ARMH3: variants seen among roughly 807,000 people sequenced by gnomAD.
ARMH3 encodes armadillo-like helical domain-containing protein 3.
Under a neutral mutation model 99.1 loss-of-function variants are expected in ARMH3, and 60 were observed. The ratio of observed to expected loss-of-function variants is 0.61; its 90% CI spans 0.49 to 0.75. The LOEUF is 0.75. Among genes scored for constraint, ARMH3 ranks in the 30% least tolerant of loss-of-function variants. The probability of loss-of-function intolerance (pLI) is 0.00; values close to 1 mark genes in which losing one functional copy is unlikely to be tolerated. For missense variants in ARMH3, 679 were observed against 843.1 expected (o/e 0.81, Z 2.41); for synonymous variants, 285 against 292.8 (o/e 0.97, Z 0.27).
chr10:101,963,213 G>A (rs933136585), intron 20 of ARMH3, among the ~76,000 whole-genome samples: 1 of 145,900 alleles, frequency 6.9e-6, no homozygotes, highest in African/African-American at 2.5e-5. Context: ...CACGATCATG[G>A]CTCACTGCAA....
In ARMH3 at chr10:101,957,350, C is replaced by T. The variant is rs1306873912; in HGVS notation, c.1578+300G>A. 2.0e-5 allele frequency among the ~76,000 whole-genome samples: 3 copies of T among 152,118 alleles called. No homozygotes were observed. In the East Asian group the frequency reaches 5.8e-4, roughly 29 times the overall value. ...GTTTGCTATTTACCAACATAGAGAC[C>T]GCAGTAGTATACAGCAGTCTCTCAA... On this transcript the variant is annotated intron_variant, in intron 21 of 25. Transcript: ENST00000370033.
At chr10:101,881,334 T>G (rs1311708716) in intron 24 of ARMH3, among the ~76,000 whole-genome samples, 2 of 152,104 alleles carry the variant, frequency 1.3e-5, no homozygotes, top group African/African-American at 4.8e-5. Flanking sequence ...CCTGGGTCAC[T>G]TGGTTGAAAA....
chr10:101,943,167 G>A (rs115846311), intron 22 of ARMH3, among the ~76,000 whole-genome samples: 214 of 152,312 alleles, frequency 1.4e-3, no homozygotes, highest in African/African-American at 5.0e-3. Flanking sequence ...ACATCTAGAG[G>A]ATGTGGGGCA....
intron 1 of ARMH3, among the ~76,000 whole-genome samples, chr10:102,053,832 G>C (rs577738411): frequency 6.6e-6 from 1 of 151,838 alleles, no homozygotes; most frequent in Non-Finnish European, 1.5e-5. Flanking sequence ...CTAATTTTTT[G>C]TATTTTTAGT....
intron 20 of ARMH3, among the ~76,000 whole-genome samples, chr10:101,959,203 G>A (rs1328662810): frequency 6.6e-6 from 1 of 152,164 alleles, no homozygotes; most frequent in Non-Finnish European, 1.5e-5. Flanking sequence ...CACACAACCT[G>A]CTTAGCTCCT....
In ARMH3 at chr10:102,033,283, C is replaced by A; in HGVS notation, c.159G>T (p.Lys53Asn). 1 of 1,614,152 alleles carries A rather than the reference C, an allele frequency of 6.2e-7. No homozygotes were observed. The highest frequency in any genetic ancestry group is 8.5e-7 in the Non-Finnish European group (1 of 1,180,030). The change falls in exon 3 of 26, where the codon AAG becomes AAT. Residue 53 changes from lysine to asparagine, a missense_variant and splice_region_variant. Lys to Asn is a moderately conservative substitution (Grantham distance 94). Around this residue, in one of 3 missense-constraint regions of ARMH3, gnomAD observed 280 missense variants for 354.6 expected, o/e 0.79. Coordinates refer to ENST00000370033, the MANE Select transcript of ARMH3 (RefSeq NM_024541.3). The part of the protein sequence containing the change: ...PRFWEELFLM[K>N]VNLEYLEGKL... The stretch of plus-strand genomic sequence containing the variant: ...TTCCACAGATGCCACCAACTCTTAC[C>A]TTCATGAGAAAGAGCTCCTCCCAAA...
chr10:102,023,481 T>C lies in ARMH3; in HGVS notation c.665A>G (p.Tyr222Cys). 1 of 1,613,458 alleles carries C rather than the reference T, an allele frequency of 6.2e-7. No individual in the cohort carries two copies. Among genetic ancestry groups the C allele is most frequent in the Non-Finnish European group, 8.5e-7 (1 of 1,179,484 alleles). The change falls in exon 8 of 26, where the codon TAT (tyrosine) becomes TGT (cysteine). Residue 222 changes from tyrosine (Y) to cysteine (C), a missense_variant. Coordinates refer to ENST00000370033, the MANE Select transcript of ARMH3 (RefSeq NM_024541.3). Reference protein sequence around the residue: ...LLALLVNYRKYESVNPYIVKL... With the variant: ...LLALLVNYRKCESVNPYIVKL... ...TCCACTAAGGAGCCCAGTTACCTCA[T>C]ATTTTCTATAGTTCACCAGCAAAGC... is the stretch of plus-strand genomic sequence containing the variant.
intron 1 of ARMH3, among the ~76,000 whole-genome samples, chr10:102,040,509 T>G (rs1470999962): frequency 6.6e-6 from 1 of 152,212 alleles, no homozygotes; most frequent in Non-Finnish European, 1.5e-5. Flanking sequence ...GACGTACCAC[T>G]TAATGAGACA....
At chr10:101,966,307 T>G (rs1464237040) in intron 20 of ARMH3, among the ~76,000 whole-genome samples, 2 of 138,788 alleles carry the variant, frequency 1.4e-5, no homozygotes, top group African/African-American at 2.7e-5. Context: ...TTTTTTTTTT[T>G]TTTTTTTGAG....
chr10:101,938,653 T>G (rs936343837), intron 23 of ARMH3, among the ~76,000 whole-genome samples: 8 of 152,232 alleles, frequency 5.3e-5, no homozygotes, highest in Non-Finnish European at 8.8e-5. Flanking sequence ...CATGCTGCCC[T>G]TGGGTCATAA....
intron 20 of ARMH3, among the ~76,000 whole-genome samples, 184 bp from the exon 21 acceptor site, chr10:101,957,916 G>A (rs80213387): frequency 0.055 from 8,433 of 152,168 alleles, 248 homozygotes; most frequent in African/African-American, 0.058. Context: ...TCCCAAGCAC[G>A]TGTCTGCTTA....
chr10:102,023,716 C>T lies in ARMH3; in HGVS notation c.541G>A (p.Glu181Lys), dbSNP rs377107416. Reference sequence around the variant, plus strand: ...AATATGCTGTTGATCATTACATACTCGAGAATAGTGTTCTGGCTGATGTTA... The same window carrying T: ...AATATGCTGTTGATCATTACATACTTGAGAATAGTGTTCTGGCTGATGTTA... Reference protein sequence around the residue: ...TDNISQNTILEYVMINSIFEA... With the variant: ...TDNISQNTILKYVMINSIFEA... The change falls in exon 7 of 26, where the codon GAG becomes AAG. Residue 181 changes from glutamate (E) to lysine (K), a missense_variant. Physicochemically the swap from Glu to Lys is moderately conservative, Grantham distance 56. This residue lies in a region of ARMH3 where 280 missense variants were observed against 354.6 expected (regional missense o/e 0.79). Transcript: ENST00000370033. The T allele has an allele frequency of 1.9e-6, 3 of 1,614,082 alleles. No homozygotes were observed. Among genetic ancestry groups the T allele is most frequent in the South Asian group, 1.1e-5 (1 of 91,068 alleles).
chr10:101,966,676 T>C (rs995236075), intron 20 of ARMH3, among the ~76,000 whole-genome samples: 2 of 152,140 alleles, frequency 1.3e-5, no homozygotes, highest in African/African-American at 4.8e-5. Flanking sequence ...CTAGCATTAA[T>C]ACACAATGAG....
intron 22 of ARMH3, among the ~76,000 whole-genome samples, chr10:101,955,925 T>C (rs1845015382): frequency 6.6e-6 from 1 of 152,258 alleles, no homozygotes; most frequent in Non-Finnish European, 1.5e-5. Context: ...TATACTTCAA[T>C]AAAGCTAATA....
chr10:101,852,700 G>T (rs1046747970), intron 24 of ARMH3, among the ~76,000 whole-genome samples: 18 of 151,728 alleles, frequency 1.2e-4, no homozygotes, highest in Non-Finnish European at 2.2e-4. Context: ...CATGCCATGA[G>T]CTGTGATCAC....
intron 24 of ARMH3, among the ~76,000 whole-genome samples, chr10:101,853,206 T>C (rs1354327797): frequency 6.6e-6 from 1 of 152,082 alleles, no homozygotes; most frequent in Non-Finnish European, 1.5e-5. Context: ...TGGCCCTTTC[T>C]TGTGGGCTTA....
Position 102,040,080 on chromosome 10 carries a change from C to A in ARMH3, c.35G>T (p.Arg12Leu), listed in dbSNP as rs760692194. The stretch of plus-strand genomic sequence containing the variant: ...TGGTTTTTTGGAGGCTGAAGATTTC[C>A]GGAGCAAACCTCCACGTTTCTCTAC... ...AQVEKRGGLL[R>L]KSSASKKPLK... The change falls in exon 2 of 26, where the codon CGG becomes CTG. Residue 12 changes from arginine to leucine, a missense_variant. Arg to Leu is a moderately radical substitution (Grantham distance 102). Around this residue, in one of 3 missense-constraint regions of ARMH3, gnomAD observed 280 missense variants for 354.6 expected, o/e 0.79. Coordinates refer to ENST00000370033, the MANE Select transcript of ARMH3 (RefSeq NM_024541.3). 1 of 1,614,104 alleles carries A rather than the reference C, an allele frequency of 6.2e-7. No individual in the cohort carries two copies. Among genetic ancestry groups the A allele is most frequent in the Middle Eastern group, 1.6e-4 (1 of 6,062 alleles).
chr10:101,947,836 T>TAAAC (rs1488960596), intron 22 of ARMH3, among the ~76,000 whole-genome samples: 21 of 150,640 alleles, frequency 1.4e-4, no homozygotes, highest in East Asian at 9.6e-4. Flanking sequence ...AATAAATAAA[T>TAAAC]AGACCCTATA....
In ARMH3 at chr10:101,958,786, T is replaced by A. The variant is rs114196238; in HGVS notation, c.1496-1054A>T. ...TGTGTGAAGTTTACTACTCTTAAAG[T>A]AGAGATGTGAGCTTTGATTTGGAAC... On this transcript the variant is annotated intron_variant, in intron 20 of 25. Coordinates refer to ENST00000370033, the MANE Select transcript of ARMH3 (RefSeq NM_024541.3). Among the ~76,000 whole-genome samples the A allele has an allele frequency of 9.4e-3, 1,429 of 152,206 alleles. 18 individuals carry two copies. The highest frequency in any genetic ancestry group is 0.033 in the African/African-American group (1,355 of 41,530).
Sources: gnomAD v4.1 joint callset for allele counts (sites outside exome capture counted in the v4.1 genomes callset) on GRCh38, gnomAD v4.1.1 for gene constraint, gnomAD v4.1.1 regional missense constraint, MANE v1.5 for transcripts, NCBI Gene and HGNC (gene_info 2026-07-23, HGNC 2026-07-21) for gene names.